The following JHY variants were observed in gnomAD, a reference collection of about 807,000 sequenced individuals.
JHY encodes the protein jhy protein homolog.
Under a neutral mutation model 78.0 loss-of-function variants are expected in JHY, and 69 were observed. The ratio of observed to expected loss-of-function variants is 0.88; its 90% CI spans 0.73 to 1.08. JHY has a LOEUF of 1.08. Ranked by LOEUF, JHY falls within the 50% of genes least tolerant of loss-of-function variation. JHY has a pLI of 0.00. For synonymous variants in JHY, 368 were observed against 342.6 expected (o/e 1.07, Z -0.82); for missense variants, 944 against 927.8 (o/e 1.02, Z -0.23).
At chr11:122,923,148 C>T (rs1217231421) in intron 3 of JHY, among the ~76,000 whole-genome samples, 1 of 152,118 alleles carries the variant, frequency 6.6e-6, no homozygotes, top group African/African-American at 2.4e-5. Flanking sequence ...CTTCTAGCTG[C>T]GCAGAGCTGT....
rs755154500 is a variant in JHY, at chr11:122,885,971, A to T, written c.122A>T (p.Asp41Val). ...GAAGACTTACATCGGATTTCAAAAG[A>T]CTCCTTGGAATCTGATTCAGAAAGC... is the stretch of plus-strand genomic sequence containing the variant. ...KKEDLHRISK[D>V]SLESDSESLT... The change falls in exon 2 of 9, where the codon GAC (aspartate) becomes GTC (valine). Residue 41 changes from aspartate (D) to valine (V), a missense_variant. Coordinates refer to ENST00000227349, the MANE Select transcript of JHY (RefSeq NM_024806.4). 5 of 1,614,034 alleles carry T rather than the reference A, an allele frequency of 3.1e-6. No homozygotes were observed. The South Asian group carries it at 5.5e-5, about 18-fold the overall frequency.
chr11:122,908,057 C>T (rs1257359878), intron 3 of JHY, among the ~76,000 whole-genome samples: 1 of 151,992 alleles, frequency 6.6e-6, no homozygotes, highest in Non-Finnish European at 1.5e-5. Context: ...AGTATTGATT[C>T]CCTAGATGAA....
chr11:122,906,779 G>A (rs978029995), intron 3 of JHY, among the ~76,000 whole-genome samples: 2 of 152,146 alleles, frequency 1.3e-5, no homozygotes, highest in Non-Finnish European at 1.5e-5. Flanking sequence ...GATTGTCAGT[G>A]ATTCCACAGC....
At chr11:122,956,602 T>A in intron 7 of JHY, 26 bp downstream of exon 7, 2 of 1,597,486 alleles carry the variant, frequency 1.3e-6, no homozygotes, top group Non-Finnish European at 1.7e-6. Context: ...ATACAGTGTT[T>A]CCAGACCTGA....
chr11:122,945,627 G>C (rs1442573249), intron 5 of JHY, among the ~76,000 whole-genome samples: 3 of 152,142 alleles, frequency 2.0e-5, no homozygotes, highest in African/African-American at 4.8e-5. Context: ...GCTTGGGTGG[G>C]AGTGTATTTC....
At position 122,917,432 on chromosome 11, in the gene JHY, C is replaced by G. The variant is rs563635134; in HGVS notation, c.865-7465C>G. On this transcript the variant is annotated intron_variant, in intron 3 of 8. Coordinates refer to ENST00000227349, the MANE Select transcript of JHY (RefSeq NM_024806.4). This position sits in a 1 kb window ranked among gnomAD's most constrained non-coding sequence, Gnocchi z 4.1. ...CAGTCCCTTGTATGTCATTTTAAAG[C>G]AGAAGCTCTCATATTGTGTTCCTTG... 6.6e-6 allele frequency among the ~76,000 whole-genome samples: 1 copy of G among 152,312 alleles called. No individual in the cohort carries two copies. The highest frequency in any genetic ancestry group is 1.9e-4 in the East Asian group (1 of 5,190).
intron 3 of JHY, among the ~76,000 whole-genome samples, chr11:122,910,586 G>C (rs1346919225): frequency 1.3e-5 from 2 of 152,050 alleles, no homozygotes; most frequent in Non-Finnish European, 2.9e-5. Flanking sequence ...AGGTGGAGGG[G>C]GAATGGGCGG....
chr11:122,908,810 T>C (rs1384825668), intron 3 of JHY, among the ~76,000 whole-genome samples: 1 of 152,186 alleles, frequency 6.6e-6, no homozygotes, highest in Non-Finnish European at 1.5e-5. Flanking sequence ...GCGATTCTCC[T>C]GCCTCAGCCT....
intron 3 of JHY, among the ~76,000 whole-genome samples, chr11:122,915,593 A>G (rs1248372220): frequency 6.6e-6 from 1 of 152,062 alleles, no homozygotes; most frequent in Admixed American, 6.5e-5. Context: ...GTTCACTGCA[A>G]CCTCTGCCTC....
rs375854976 is a variant in JHY at position 122,904,124 on chromosome 11, G to C, written c.544G>C (p.Glu182Gln). ...ELSGGKGEQK[E>Q]SPQSAASLLG... ...CTCCGGGGGAAAAGGCGAGCAGAAA[G>C]AGAGTCCACAGAGTGCAGCTTCTTT... The change falls in exon 3 of 9, where the codon GAG becomes CAG. Residue 182 changes from glutamate to glutamine, a missense_variant. Coordinates refer to ENST00000227349, the MANE Select transcript of JHY (RefSeq NM_024806.4). 6.2e-7 allele frequency: 1 copy of C among 1,614,160 alleles called. No homozygotes were observed. Among genetic ancestry groups the C allele is most frequent in the South Asian group, 1.1e-5 (1 of 91,076 alleles).
intron 4 of JHY, 91 bp from the exon 5 acceptor site, chr11:122,934,329 T>G: frequency 1.7e-6 from 1 of 593,800 alleles, no homozygotes; most frequent in Non-Finnish European, 2.3e-6. Flanking sequence ...AATAAATAAA[T>G]AAATAAATAA....
chr11:122,924,450 G>A (rs867213262), intron 3 of JHY, among the ~76,000 whole-genome samples: 1 of 152,158 alleles, frequency 6.6e-6, no homozygotes, highest in Admixed American at 6.5e-5. Flanking sequence ...GATTACCTGA[G>A]AACTAAGGGC....
At position 122,904,284 on chromosome 11, in the gene JHY, A is replaced by G. The variant is rs376399704; in HGVS notation, c.704A>G (p.His235Arg). 1.4e-5 allele frequency: 23 copies of G among 1,614,196 alleles called. No homozygotes were observed. In the Admixed American group the frequency reaches 2.0e-4, roughly 14 times the overall value. The change falls in exon 3 of 9, where the codon CAT becomes CGT. Residue 235 changes from histidine to arginine, a missense_variant. Transcript: ENST00000227349. ...LSPYVKSSSS[H>R]NEVFLPGSRG... The stretch of plus-strand genomic sequence containing the variant: ...CCGTACGTGAAGAGCTCAAGTTCAC[A>G]TAACGAGGTTTTCCTGCCGGGATCA...
intron 2 of JHY, among the ~76,000 whole-genome samples, chr11:122,896,890 T>G (rs1310347650): frequency 6.6e-6 from 1 of 152,230 alleles, no homozygotes; most frequent in Non-Finnish European, 1.5e-5. Context: ...AGAGTCTCAC[T>G]CTATTGCCCA....
At chr11:122,926,997 AGG>A (rs2135344353) in intron 4 of JHY, 1 of 152,366 alleles carries the variant, frequency 6.6e-6, no homozygotes, top group East Asian at 1.9e-4. Flanking sequence ...GGAAAGCCAT[AGG>A]ATTCTCAGCT....
intron 3 of JHY, among the ~76,000 whole-genome samples, chr11:122,907,735 T>C (rs984567993): frequency 1.3e-5 from 2 of 150,180 alleles, no homozygotes; most frequent in African/African-American, 4.9e-5. Flanking sequence ...TCCCAGCTAC[T>C]CGGGAGGCTG....
intron 2 of JHY, among the ~76,000 whole-genome samples, chr11:122,890,846 C>T (rs1190867874): frequency 6.6e-6 from 1 of 151,908 alleles, no homozygotes; most frequent in African/African-American, 2.4e-5. Context: ...AGGTTATAGC[C>T]CTAGTCATTG....
At chr11:122,889,808 G>C (rs1200323922) in intron 2 of JHY, among the ~76,000 whole-genome samples, 1 of 152,174 alleles carries the variant, frequency 6.6e-6, no homozygotes, top group East Asian at 1.9e-4. Flanking sequence ...GCCCAGGCTA[G>C]AGTGAAGTGG....
intron 3 of JHY, among the ~76,000 whole-genome samples, chr11:122,916,745 T>C (rs1207181695): frequency 6.6e-6 from 1 of 152,142 alleles, no homozygotes; most frequent in Non-Finnish European, 1.5e-5. Context: ...GTTCAAGTAA[T>C]TCTCATGGCT....
Sources: gnomAD v4.1 joint callset for allele counts (sites outside exome capture counted in the v4.1 genomes callset) on GRCh38, gnomAD v4.1.1 for gene constraint, Gnocchi (gnomAD v3.1) non-coding constraint, MANE v1.5 for transcripts, NCBI Gene and HGNC (gene_info 2026-07-23, HGNC 2026-07-21) for gene names.